The following MUSK variants were observed in gnomAD, a reference collection of about 807,000 sequenced individuals.
The protein encoded by MUSK is muscle, skeletal receptor tyrosine-protein kinase.
Under a neutral mutation model 88.7 loss-of-function variants are expected in MUSK, and 55 were observed. The observed-to-expected ratio is 0.62, with a 90% CI of 0.50 to 0.78. The LOEUF is 0.78. Among genes scored for constraint, MUSK ranks in the 30% least tolerant of loss-of-function variants. The probability of loss-of-function intolerance (pLI) is 0.00; values close to 1 mark genes in which losing one functional copy is unlikely to be tolerated. For missense variants in MUSK, 1,015 were observed against 1,074.3 expected (o/e 0.94, Z 0.77); for synonymous variants, 387 against 391.9 (o/e 0.99, Z 0.15).
At chr9:110,672,996 C>T (rs978752704) in intron 1 of MUSK, among the ~76,000 whole-genome samples, 1 of 152,018 alleles carries the variant, frequency 6.6e-6, no homozygotes, top group African/African-American at 2.4e-5. Flanking sequence ...GAAATAGTGC[C>T]CTAGTTTAAA....
chr9:110,697,491 G>T, intron 5 of MUSK, 25 bp downstream of exon 5: 1 of 1,600,552 alleles, frequency 6.2e-7, no homozygotes, highest in Non-Finnish European at 8.5e-7. Context: ...TTCTTCCCCT[G>T]ACTGTGTGAC....
At chr9:110,738,135 C>T (rs1400163174) in intron 6 of MUSK, among the ~76,000 whole-genome samples, 1 of 152,112 alleles carries the variant, frequency 6.6e-6, no homozygotes, top group African/African-American at 2.4e-5. Context: ...GTTTCAGCTA[C>T]TTAGTTGATG....
intron 6 of MUSK, among the ~76,000 whole-genome samples, chr9:110,743,212 C>T (rs1170972492): frequency 6.6e-6 from 1 of 152,136 alleles, no homozygotes; most frequent in African/African-American, 2.4e-5. Flanking sequence ...GCCAGTGAAC[C>T]AAAACCCTTA....
chr9:110,726,558 T>A (rs2076886960), intron 5 of MUSK, among the ~76,000 whole-genome samples: 1 of 152,012 alleles, frequency 6.6e-6, no homozygotes, highest in South Asian at 2.1e-4. Flanking sequence ...CAAGTGAATA[T>A]AATTCTCAAA....
At chr9:110,765,196 A>G (rs186513762) in intron 8 of MUSK, among the ~76,000 whole-genome samples, 2 of 152,362 alleles carry the variant, frequency 1.3e-5, no homozygotes, top group African/African-American at 2.4e-5. Flanking sequence ...AACACATGAC[A>G]GCAAAACCTG....
At chr9:110,734,222 G>C in intron 5 of MUSK, 29 bp from the exon 6 acceptor site, 1 of 1,594,176 alleles carries the variant, frequency 6.3e-7, no homozygotes, top group African/African-American at 1.3e-5. Context: ...CTGCAGGAGC[G>C]TCACTCACCA....
intron 14 of MUSK, among the ~76,000 whole-genome samples, chr9:110,788,955 A>T (rs581130): frequency 1.3e-5 from 2 of 152,150 alleles, no homozygotes; most frequent in Non-Finnish European, 2.9e-5. Context: ...AGGAATAGCA[A>T]GGAGATGAAT....
chr9:110,755,965 C>CGTATATATATAT (rs1554750841), intron 7 of MUSK, among the ~76,000 whole-genome samples: 7 of 81,620 alleles, frequency 8.6e-5, no homozygotes, highest in Admixed American at 8.2e-4. Flanking sequence ...TATATATATA[C>CGTATATATATAT]ATATATATAT....
At chr9:110,723,319 A>T (rs1471046584) in intron 5 of MUSK, among the ~76,000 whole-genome samples, 1 of 152,014 alleles carries the variant, frequency 6.6e-6, no homozygotes, top group Non-Finnish European at 1.5e-5. Context: ...TGGCATTCAC[A>T]GCAACCTGGT....
At chr9:110,786,708 T>C (rs2077873100) in intron 13 of MUSK, among the ~76,000 whole-genome samples, 1 of 152,146 alleles carries the variant, frequency 6.6e-6, no homozygotes, top group Non-Finnish European at 1.5e-5. Context: ...AAAAATGAGC[T>C]CAAGAAAGGA....
intron 4 of MUSK, among the ~76,000 whole-genome samples, chr9:110,696,277 C>CA (rs56335634): frequency 0.14 from 20,040 of 139,852 alleles, 1,647 homozygotes; most frequent in East Asian, 0.21. Context: ...GACTCCATCT[C>CA]AAAAAAAAAA....
chr9:110,671,993 T>C (rs184795612), intron 1 of MUSK, among the ~76,000 whole-genome samples: 5 of 152,312 alleles, frequency 3.3e-5, no homozygotes, highest in African/African-American at 9.6e-5. Context: ...TGTATGTATA[T>C]AAGGATAGGA....
At chr9:110,712,247 G>A (rs987501872) in intron 5 of MUSK, among the ~76,000 whole-genome samples, 1 of 151,300 alleles carries the variant, frequency 6.6e-6, no homozygotes, top group African/African-American at 2.4e-5. Flanking sequence ...AGTAAGTACT[G>A]TGTACTTTAT....
Position 110,695,523 on chromosome 9 carries a change from C to G in MUSK, c.479C>G (p.Pro160Arg). Reference protein sequence around the residue: ...PSVSWIKGDSPLRENSRIAVL... With the variant: ...PSVSWIKGDSRLRENSRIAVL... ...GTGTCTTGGATAAAGGGAGACAGCC[C>G]TCTCAGGGTAAGTGGTTATGATGTT... Residue 160 changes from proline (P) to arginine (R), a missense_variant, in exon 4 of 15, where the codon CCT (proline) becomes CGT (arginine). By Grantham distance (103) the Pro-to-Arg change is moderately radical (BLOSUM62 -2). Transcript: ENST00000374448. The G allele has an allele frequency of 6.4e-7, 1 of 1,557,172 alleles. No homozygotes were observed. The highest frequency in any genetic ancestry group is 2.4e-5 in the East Asian group (1 of 42,194).
intron 11 of MUSK, among the ~76,000 whole-genome samples, chr9:110,778,766 T>C (rs1222889005): frequency 6.6e-6 from 1 of 152,118 alleles, no homozygotes; most frequent in Non-Finnish European, 1.5e-5. Flanking sequence ...TTATTACTAA[T>C]GTTTCTTAAA....
chr9:110,760,810 T>G (rs979828044), intron 7 of MUSK, among the ~76,000 whole-genome samples: 2 of 152,086 alleles, frequency 1.3e-5, no homozygotes, highest in Non-Finnish European at 2.9e-5. Context: ...ATAAAAACCT[T>G]CTAGTTACCA....
chr9:110,687,022 C>A, intron 2 of MUSK, 95 bp from the exon 3 acceptor site: 3 of 1,251,278 alleles, frequency 2.4e-6, no homozygotes, highest in Non-Finnish European at 3.4e-6. Context: ...CTTTATTCTA[C>A]TTCCTCATTA....
intron 9 of MUSK, among the ~76,000 whole-genome samples, chr9:110,774,535 TA>T (rs1268293693): frequency 6.6e-6 from 1 of 152,188 alleles, no homozygotes; most frequent in Non-Finnish European, 1.5e-5. Context: ...GTTGTTTTCA[TA>T]TGTCCCATAT....
rs562429042 is a variant in MUSK, at chr9:110,677,830, T to C, written c.80-4844T>C. Among the ~76,000 whole-genome samples, 39 of 152,348 alleles carry C rather than the reference T, an allele frequency of 2.6e-4. 1 individual carries two copies. In the South Asian group the frequency reaches 7.7e-3, roughly 30 times the overall value. ...TAATGGTTTTCAAGTAGGGAATGGA[T>C]AGTTAACTCTGTTACTGCCTTTTTG... On this transcript the variant is annotated intron_variant, in intron 1 of 14. Coordinates refer to ENST00000374448, the MANE Select transcript of MUSK (RefSeq NM_005592.4).
Sources: allele counts gnomAD v4.1 joint callset (sites outside exome capture counted in the v4.1 genomes callset), GRCh38; gene constraint gnomAD v4.1.1; transcripts MANE v1.5; gene names NCBI Gene and HGNC (gene_info 2026-07-23, HGNC 2026-07-21).